APAF1: variants seen among roughly 807,000 people sequenced by gnomAD.
APAF1 encodes the protein apoptotic protease-activating factor 1.
A neutral mutation model predicts 152.4 loss-of-function variants in APAF1; 91 were observed. That is an observed-to-expected ratio of 0.60 (90% CI 0.50 to 0.71). The LOEUF is 0.71. Ranked by LOEUF, APAF1 falls within the 30% of genes least tolerant of loss-of-function variation. APAF1 has a pLI of 0.00. For missense variants in APAF1, 1,283 were observed against 1,472.0 expected (o/e 0.87, Z 2.10); for synonymous variants, 484 against 494.1 (o/e 0.98, Z 0.27).
At chr12:98,665,276 A>ATTTTT (rs1198534474) in intron 7 of APAF1, among the ~76,000 whole-genome samples, 6 of 67,856 alleles carry the variant, frequency 8.8e-5, no homozygotes, top group East Asian at 6.4e-4. Flanking sequence ...ATATATATAT[A>ATTTTT]TATTTTTTTT....
chr12:98,695,116 G>C (rs1213310530), intron 16 of APAF1, among the ~76,000 whole-genome samples: 1 of 151,606 alleles, frequency 6.6e-6, no homozygotes, highest in Non-Finnish European at 1.5e-5. Flanking sequence ...GCAGTGGCGT[G>C]ATCTCAGCTC....
chr12:98,699,407 G>C lies in APAF1; in HGVS notation c.2305-1G>C. The stretch of plus-strand genomic sequence containing the variant: ...TTCTTTTTTATTACTTTAATTCAAA[G>C]CTTTGGGATGCGACATCAGCAAATG... On this transcript the variant is annotated splice_acceptor_variant, in intron 16 of 26. Transcript: ENST00000551964. LOFTEE classifies it high-confidence loss of function. 3 of 1,613,844 alleles carry C rather than the reference G, an allele frequency of 1.9e-6. No homozygotes were observed. Among genetic ancestry groups the C allele is most frequent in the Non-Finnish European group, 2.5e-6 (3 of 1,179,908 alleles).
At chr12:98,704,363 A>C (rs1270153914) in intron 18 of APAF1, among the ~76,000 whole-genome samples, 1 of 152,258 alleles carries the variant, frequency 6.6e-6, no homozygotes, top group Non-Finnish European at 1.5e-5. Context: ...CAGTTCCAAG[A>C]AGATGGGTAT....
chr12:98,701,159 G>A lies in APAF1; in HGVS notation c.2466+1590G>A, dbSNP rs139326503. The stretch of plus-strand genomic sequence containing the variant: ...TCAAGTATATATTTATGTATATAAT[G>A]GGCTTAATTATTTAAGAGAATAACT... On this transcript the variant is annotated intron_variant, in intron 17 of 26. Coordinates refer to ENST00000551964, the MANE Select transcript of APAF1 (RefSeq NM_181861.2). 7.3e-3 allele frequency among the ~76,000 whole-genome samples: 1,111 copies of A among 152,170 alleles called. 11 individuals are homozygous for A. Among genetic ancestry groups the A allele is most frequent in the African/African-American group, 0.025 (1,043 of 41,510 alleles).
At chr12:98,674,165 A>G (rs2097683989) in intron 12 of APAF1, among the ~76,000 whole-genome samples, 1 of 151,814 alleles carries the variant, frequency 6.6e-6, no homozygotes, top group Admixed American at 6.6e-5. Context: ...CTAATTTTTT[A>G]TTTTTTTGTA....
chr12:98,672,939 G>A (rs2097682152), intron 12 of APAF1, among the ~76,000 whole-genome samples: 1 of 151,184 alleles, frequency 6.6e-6, no homozygotes, highest in South Asian at 2.1e-4. Flanking sequence ...TTTTTTTTTA[G>A]TAGAGACAGG....
At chr12:98,654,816 CT>C (rs758991431) in intron 4 of APAF1, among the ~76,000 whole-genome samples, 18,366 of 116,788 alleles carry the variant, frequency 0.16, 1,211 homozygotes, top group East Asian at 0.23. Context: ...GTAGTATTTT[CT>C]TTTTTTTTTT....
intron 16 of APAF1, among the ~76,000 whole-genome samples, chr12:98,690,180 C>G (rs1419238461): frequency 6.6e-5 from 10 of 152,188 alleles, no homozygotes; most frequent in Admixed American, 5.9e-4. Flanking sequence ...CTGGTTGAAT[C>G]TTTGATCTTG....
chr12:98,657,970 A>C (rs1228745749), intron 4 of APAF1, among the ~76,000 whole-genome samples: 1 of 152,224 alleles, frequency 6.6e-6, no homozygotes, highest in Non-Finnish European at 1.5e-5. Context: ...TTGGGTGATT[A>C]GGTTTTTAAA....
At chr12:98,660,978 A>C (rs2097664347) in intron 5 of APAF1, among the ~76,000 whole-genome samples, 1 of 152,200 alleles carries the variant, frequency 6.6e-6, no homozygotes, top group Non-Finnish European at 1.5e-5. Flanking sequence ...ATCTCTGCTC[A>C]CTGAAGCTCC....
chr12:98,721,219 A>G (rs1175224084), intron 22 of APAF1, among the ~76,000 whole-genome samples: 1 of 152,160 alleles, frequency 6.6e-6, no homozygotes, highest in Admixed American at 6.5e-5. Flanking sequence ...CTAGTCAGAA[A>G]CCTTCTGTAA....
intron 13 of APAF1, among the ~76,000 whole-genome samples, chr12:98,679,613 C>T (rs533749029): frequency 3.3e-5 from 5 of 152,332 alleles, no homozygotes; most frequent in East Asian, 1.9e-4. Flanking sequence ...TGCGGCCCTT[C>T]GGGGAGCCCA....
At chr12:98,687,378 G>C (rs1171023859) in intron 16 of APAF1, among the ~76,000 whole-genome samples, 1 of 148,616 alleles carries the variant, frequency 6.7e-6, no homozygotes, top group Non-Finnish European at 1.5e-5. Flanking sequence ...AAAAAAAAAA[G>C]TTCTGTAATG....
chr12:98,715,258 ATATATATATATATATATATATAT>A lies in APAF1; in HGVS notation c.2959-168_2959-146del, dbSNP rs1166736381. ...TGCATATATATATATATATATATAT[ATATATATATATATATATATATAT>A]GACATTCATTTGTTTTTAATTAGGC... On this transcript the variant is annotated intron_variant, in intron 21 of 26. Transcript: ENST00000551964. Among the ~76,000 whole-genome samples the A allele has an allele frequency of 7.3e-5, 9 of 123,166 alleles. No individual in the cohort carries two copies. In the East Asian group the frequency reaches 2.0e-3, roughly 27 times the overall value. The allele number at this position is 123,166 out of a possible 152,430, so 80.8% of individuals were successfully genotyped here. A position where few individuals can be genotyped will look rare whatever the true frequency, so the allele number is the denominator to read the frequency against.
At chr12:98,650,376 C>T (rs2097647409) in intron 4 of APAF1, among the ~76,000 whole-genome samples, 1 of 151,966 alleles carries the variant, frequency 6.6e-6, no homozygotes, top group Non-Finnish European at 1.5e-5. Context: ...ATCCCAGCTA[C>T]TCGGGAGGCT....
chr12:98,732,324 TGG>T, intron 26 of APAF1, 94 bp from the exon 27 acceptor site: 1 of 1,096,068 alleles, frequency 9.1e-7, no homozygotes, highest in African/African-American at 1.5e-5. Context: ...TGAGTTCGGT[TGG>T]GGGGAGGAGA....
chr12:98,649,646 T>G lies in APAF1; in HGVS notation c.488T>G (p.Leu163Ter), dbSNP rs2097646450. The G allele has an allele frequency of 6.2e-7, 1 of 1,614,002 alleles. No individual in the cohort carries two copies. Among genetic ancestry groups the G allele is most frequent in the Admixed American group, 1.7e-5 (1 of 60,002 alleles). ...ATGGCAGGCTGTGGGAAGTCTGTAT[T>G]AGCTGCAGAAGCTGTTAGAGATCAT... ...HGMAGCGKSV[L>*]AAEAVRDHSL... is the part of the protein sequence containing the mutation. Residue 163 changes from leucine (L) to a stop codon, truncating the protein, a stop_gained, in exon 4 of 27, where the codon TTA becomes TGA. Coordinates refer to ENST00000551964, the MANE Select transcript of APAF1 (RefSeq NM_181861.2). LOFTEE classifies it high-confidence loss of function.
chr12:98,670,842 C>T (rs1332141509), intron 10 of APAF1, 131 bp from the exon 11 acceptor site: 7 of 643,184 alleles, frequency 1.1e-5, no homozygotes, highest in African/African-American at 1.8e-5. Context: ...TGTGTTCTTT[C>T]TCACTAGCTT....
chr12:98,670,912 T>A, intron 10 of APAF1, 61 bp from the exon 11 acceptor site: 1 of 946,866 alleles, frequency 1.1e-6, no homozygotes, highest in Non-Finnish European at 1.7e-6. Flanking sequence ...GTTAATGATG[T>A]TATACCTAAA....
Sources: allele counts gnomAD v4.1 joint callset (sites outside exome capture counted in the v4.1 genomes callset), GRCh38; gene constraint gnomAD v4.1.1; transcripts MANE v1.5; gene names NCBI Gene and HGNC (gene_info 2026-07-23, HGNC 2026-07-21).